Variants in MCC observed in about 807,000 individuals in gnomAD.
MCC encodes MCC regulator of Wnt signaling pathway.
MCC carries 90 observed loss-of-function variants against 116.2 expected under a neutral mutation model. The observed-to-expected ratio is 0.77, with a 90% confidence interval of 0.65 to 0.92. The LOEUF is 0.92. MCC is among the 40% of genes least tolerant of loss of function. MCC has a pLI of 0.00. For synonymous variants in MCC, 578 were observed against 510.5 expected, an observed-to-expected ratio of 1.13 and a Z score of -1.78; for missense variants, 1,516 against 1,312.2, an observed-to-expected ratio of 1.16 and a Z score of -2.40.
intron 5 of MCC, among the ~76,000 whole-genome samples, chr5:113,125,557 G>A (rs1217615238): frequency 1.3e-5 from 2 of 152,112 alleles, no homozygotes; most frequent in African/African-American, 4.8e-5. Flanking sequence ...CCTGAAAGGG[G>A]GCTGGAACCT....
At chr5:113,455,833 C>T (rs62371898) in intron 1 of MCC, among the ~76,000 whole-genome samples, 2,668 of 152,150 alleles carry the variant, frequency 0.018, 32 homozygotes, top group Non-Finnish European at 0.022. Context: ...GTGAAAAAGC[C>T]GTCCATTTTA....
intron 2 of MCC, among the ~76,000 whole-genome samples, chr5:113,350,773 C>G (rs1395395903): frequency 1.3e-5 from 2 of 151,934 alleles, no homozygotes; most frequent in Non-Finnish European, 2.9e-5. Context: ...AAAATATTTG[C>G]AAACTACCCA....
chr5:113,110,943 G>T (rs771031632), intron 6 of MCC, among the ~76,000 whole-genome samples: 1 of 152,184 alleles, frequency 6.6e-6, no homozygotes, highest in Non-Finnish European at 1.5e-5. Context: ...GGGGCCAGCC[G>T]CAGACCCCAG....
chr5:113,286,505 G>C (rs1290743554), intron 3 of MCC, among the ~76,000 whole-genome samples: 8 of 152,172 alleles, frequency 5.3e-5, no homozygotes, highest in African/African-American at 1.7e-4. Context: ...TTTGGTTTAA[G>C]ATGCATTTCC....
Position 113,434,125 on chromosome 5 carries a change from T to C in MCC, c.171-48913A>G. On this transcript the variant is annotated intron_variant, in intron 1 of 18. Transcript: ENST00000408903. This position sits in a 1 kb window ranked among gnomAD's most constrained non-coding sequence, Gnocchi z 4.2. The stretch of plus-strand genomic sequence containing the variant: ...TCCTTGCACTCGCCTGTCAGGTGCT[T>C]GGAGCGTGGGAAGTTGACGCGGTGC... The C allele has an allele frequency of 6.2e-7, 1 of 1,614,182 alleles. No homozygotes were observed. The highest frequency in any genetic ancestry group is 8.5e-7 in the Non-Finnish European group (1 of 1,180,012).
intron 14 of MCC, among the ~76,000 whole-genome samples, chr5:113,059,936 T>C (rs1020050998): frequency 6.6e-6 from 1 of 152,186 alleles, no homozygotes; most frequent in Non-Finnish European, 1.5e-5. Context: ...CTCTCCACCA[T>C]GCCCCACCTC....
At chr5:113,411,293 G>A (rs1475284328) in intron 1 of MCC, among the ~76,000 whole-genome samples, 1 of 151,962 alleles carries the variant, frequency 6.6e-6, no homozygotes, top group African/African-American at 2.4e-5. Flanking sequence ...TTTAATGATT[G>A]CCATTCTAAC....
intron 6 of MCC, among the ~76,000 whole-genome samples, chr5:113,110,795 G>C (rs1402584528): frequency 6.6e-6 from 1 of 152,130 alleles, no homozygotes; most frequent in Non-Finnish European, 1.5e-5. Context: ...TGTCTGGCAT[G>C]GCCTTTTTTT....
rs146872235 is a variant in MCC, at chr5:113,374,406, A to C, written c.415+10562T>G. The stretch of plus-strand genomic sequence containing the variant: ...GAGCCCTAAACAACCCAAAGAGACA[A>C]ACTAAAAGAGAAGTAAGTTCTGAGG... On this transcript the variant is annotated intron_variant, in intron 2 of 18. Coordinates refer to ENST00000408903, the MANE Select transcript of MCC (RefSeq NM_001085377.2). Among the ~76,000 whole-genome samples, 636 of 152,176 alleles carry C rather than the reference A, an allele frequency of 4.2e-3. 7 individuals are homozygous for C. The highest frequency in any genetic ancestry group is 0.015 in the African/African-American group (606 of 41,508).
At chr5:113,474,884 T>C (rs1302911671) in intron 1 of MCC, among the ~76,000 whole-genome samples, 1 of 152,198 alleles carries the variant, frequency 6.6e-6, no homozygotes, top group African/African-American at 2.4e-5. Context: ...AGCTTAAGAC[T>C]ACATCACATA....
Position 113,063,987 on chromosome 5 carries a change from G to C in MCC, c.2210C>G (p.Thr737Ser). The change falls in exon 14 of 19, where the codon ACC (threonine) becomes AGC (serine). Residue 737 changes from threonine (T) to serine (S), a missense_variant. Coordinates refer to ENST00000408903, the MANE Select transcript of MCC (RefSeq NM_001085377.2). ...AGAGCAGAAGGCTGAGCATTACCTGGTGTGGCTGTTGGAGGAAAGGCTCTC... is the reference window on the plus strand; with the variant it reads ...AGAGCAGAAGGCTGAGCATTACCTGCTGTGGCTGTTGGAGGAAAGGCTCTC... Reference protein sequence around the residue: ...PWESLSSNSHTSTTSSTASSC... With the variant: ...PWESLSSNSHSSTTSSTASSC... 2 of 1,611,754 alleles carry C rather than the reference G, an allele frequency of 1.2e-6. No homozygotes were observed. Among genetic ancestry groups the C allele is most frequent in the Non-Finnish European group, 8.5e-7 (1 of 1,179,238 alleles).
intron 3 of MCC, among the ~76,000 whole-genome samples, chr5:113,191,490 G>T (rs574950230): frequency 1.2e-4 from 19 of 152,294 alleles, no homozygotes; most frequent in African/African-American, 4.3e-4. Flanking sequence ...AAGCCTTCCT[G>T]CTGGGCCATG....
chr5:113,390,120 G>A (rs1365386878), intron 1 of MCC, among the ~76,000 whole-genome samples: 1 of 152,052 alleles, frequency 6.6e-6, no homozygotes, highest in Non-Finnish European at 1.5e-5. Flanking sequence ...TAAAACTTTT[G>A]TATATTATTT....
At chr5:113,230,586 C>G (rs889903015) in intron 3 of MCC, among the ~76,000 whole-genome samples, 1 of 152,132 alleles carries the variant, frequency 6.6e-6, no homozygotes, top group African/African-American at 2.4e-5. Context: ...CTATACTGAT[C>G]CAACAAGAAT....
At chr5:113,035,434 CAGCCCAGGT>C (rs1299849000) in intron 17 of MCC, among the ~76,000 whole-genome samples, 1 of 152,226 alleles carries the variant, frequency 6.6e-6, no homozygotes, top group East Asian at 1.9e-4. Context: ...TTTCACACAG[CAGCCCAGGT>C]AACATTTCAC....
intron 5 of MCC, among the ~76,000 whole-genome samples, chr5:113,130,416 T>A (rs746175067): frequency 6.6e-6 from 1 of 152,110 alleles, no homozygotes; most frequent in African/African-American, 2.4e-5. Context: ...CCATGGCACA[T>A]GTATACCTAT....
At chr5:113,231,841 C>T (rs1394700140) in intron 3 of MCC, among the ~76,000 whole-genome samples, 1 of 152,146 alleles carries the variant, frequency 6.6e-6, no homozygotes, top group Non-Finnish European at 1.5e-5. Flanking sequence ...GGCTATTTCA[C>T]ATAGTCAGTG....
intron 3 of MCC, among the ~76,000 whole-genome samples, chr5:113,213,143 T>C (rs1763191355): frequency 6.6e-6 from 1 of 152,226 alleles, no homozygotes. Flanking sequence ...TTGCTGCTCC[T>C]ATTTGCCTCT....
chr5:113,191,641 A>G (rs1046864126), intron 3 of MCC, among the ~76,000 whole-genome samples: 2 of 152,222 alleles, frequency 1.3e-5, no homozygotes, highest in African/African-American at 2.4e-5. Flanking sequence ...CGTACATCAG[A>G]GAACAGAAGG....
Sources: gnomAD v4.1 joint callset for allele counts (sites outside exome capture counted in the v4.1 genomes callset) on GRCh38, gnomAD v4.1.1 for gene constraint, Gnocchi (gnomAD v3.1) non-coding constraint, MANE v1.5 for transcripts, NCBI Gene and HGNC (gene_info 2026-07-23, HGNC 2026-07-21) for gene names.